The following IMMP2L variants were observed in gnomAD, a reference collection of about 807,000 sequenced individuals.
IMMP2L encodes the protein inner mitochondrial membrane peptidase subunit 2, also known as mitochondrial inner membrane protease subunit 2.
In IMMP2L, 18 loss-of-function variants were observed where a neutral mutation model predicts 19.3. That is an observed-to-expected ratio of 0.93 (90% CI 0.64 to 1.38). IMMP2L has a LOEUF of 1.38. Ranked by LOEUF, IMMP2L falls within the 40% of genes most tolerant of loss-of-function variation. The pLI, the probability that IMMP2L is intolerant of heterozygous loss-of-function variation, is 0.00. For synonymous variants in IMMP2L, 76 were observed against 73.0 expected, an observed-to-expected ratio of 1.04 and a Z score of -0.21; for missense variants, 233 against 218.2, an observed-to-expected ratio of 1.07 and a Z score of -0.43.
chr7:111,153,667 A>G (rs1804318258), intron 3 of IMMP2L, among the ~76,000 whole-genome samples: 1 of 152,080 alleles, frequency 6.6e-6, no homozygotes, highest in Non-Finnish European at 1.5e-5. Flanking sequence ...TAAACTCTTA[A>G]CAAACATATA....
chr7:111,489,512 CCAGGG>C (rs1316525531), intron 2 of IMMP2L, among the ~76,000 whole-genome samples: 1 of 152,120 alleles, frequency 6.6e-6, no homozygotes, highest in Non-Finnish European at 1.5e-5. Context: ...ACAACAACAA[CCAGGG>C]CAGAAGCAAG....
intron 3 of IMMP2L, among the ~76,000 whole-genome samples, chr7:111,132,183 T>C (rs1801912995): frequency 6.6e-6 from 1 of 152,052 alleles, no homozygotes; most frequent in Admixed American, 6.6e-5. Context: ...GGAAAACCTA[T>C]GCATATTCTT....
At chr7:111,263,066 A>T (rs1482233767) in intron 3 of IMMP2L, among the ~76,000 whole-genome samples, 4 of 152,130 alleles carry the variant, frequency 2.6e-5, no homozygotes, top group Non-Finnish European at 5.9e-5. Flanking sequence ...GTAGTCAGAT[A>T]ATATAGTCCC....
At chr7:110,850,130 A>G (rs1427159826) in intron 5 of IMMP2L, among the ~76,000 whole-genome samples, 1 of 152,076 alleles carries the variant, frequency 6.6e-6, no homozygotes, top group Admixed American at 6.6e-5. Flanking sequence ...GCATAATCAG[A>G]AAATAAATAA....
chr7:110,678,384 A>T (rs1418952722), intron 5 of IMMP2L, among the ~76,000 whole-genome samples: 1 of 152,162 alleles, frequency 6.6e-6, no homozygotes, highest in Non-Finnish European at 1.5e-5. Flanking sequence ...ACAGCTAAAA[A>T]GTCTGAATTG....
intron 3 of IMMP2L, among the ~76,000 whole-genome samples, chr7:111,132,689 T>C (rs1454118664): frequency 1.3e-5 from 2 of 152,022 alleles, no homozygotes; most frequent in Non-Finnish European, 2.9e-5. Context: ...TTATTTATTA[T>C]AGTTTAGATG....
chr7:111,116,590 C>T (rs1290530756), intron 3 of IMMP2L, among the ~76,000 whole-genome samples: 1 of 152,126 alleles, frequency 6.6e-6, no homozygotes, highest in African/African-American at 2.4e-5. Context: ...TAACAATCAA[C>T]TTGAAAACAA....
At chr7:111,108,519 T>C (rs540942007) in intron 3 of IMMP2L, among the ~76,000 whole-genome samples, 15 of 152,230 alleles carry the variant, frequency 9.9e-5, no homozygotes, top group Middle Eastern at 3.4e-3. Flanking sequence ...GTAAAAAAGA[T>C]ATACGAACAA....
chr7:111,038,829 GA>G (rs1238854411), intron 3 of IMMP2L, among the ~76,000 whole-genome samples: 1 of 152,142 alleles, frequency 6.6e-6, no homozygotes, highest in African/African-American at 2.4e-5. Flanking sequence ...GTAGAAAACA[GA>G]TTTTAAAATC....
chr7:110,876,372 A>C (rs1809066613), intron 5 of IMMP2L, among the ~76,000 whole-genome samples: 1 of 152,128 alleles, frequency 6.6e-6, no homozygotes, highest in South Asian at 2.1e-4. Context: ...TGGAACTTTG[A>C]CACTTTGATG....
intron 5 of IMMP2L, among the ~76,000 whole-genome samples, chr7:110,775,249 C>CTGTGTGTGTGTGTG (rs56387151): frequency 0.028 from 4,155 of 146,650 alleles, 69 homozygotes; most frequent in African/African-American, 0.043. Flanking sequence ...CTTAAGTCAG[C>CTGTGTGTGTGTGTG]TGTGTGTGTG....
At chr7:110,935,703 A>C (rs1816024776) in intron 4 of IMMP2L, among the ~76,000 whole-genome samples, 1 of 152,178 alleles carries the variant, frequency 6.6e-6, no homozygotes, top group Admixed American at 6.6e-5. Context: ...AAATGACTTT[A>C]AATTTCATAT....
intron 3 of IMMP2L, among the ~76,000 whole-genome samples, chr7:111,291,799 G>A (rs1210348226): frequency 6.6e-6 from 1 of 152,124 alleles, no homozygotes; most frequent in African/African-American, 2.4e-5. Flanking sequence ...GGAAGGATTT[G>A]TTAATTAACA....
intron 5 of IMMP2L, among the ~76,000 whole-genome samples, chr7:110,666,834 T>C (rs140161781): frequency 3.3e-5 from 5 of 152,312 alleles, no homozygotes; most frequent in African/African-American, 1.2e-4. Flanking sequence ...TTACCAACAA[T>C]AAATCTGCTG....
At chr7:110,944,107 A>G (rs1193237323) in intron 4 of IMMP2L, among the ~76,000 whole-genome samples, 1 of 151,992 alleles carries the variant, frequency 6.6e-6, no homozygotes, top group Non-Finnish European at 1.5e-5. Context: ...TAAATTTGAC[A>G]AATACTTAGT....
chr7:111,420,689 G>T (rs1393920529), intron 3 of IMMP2L, among the ~76,000 whole-genome samples: 1 of 151,332 alleles, frequency 6.6e-6, no homozygotes, highest in Non-Finnish European at 1.5e-5. Flanking sequence ...AATTTACTGA[G>T]AATGATGGTT....
chr7:111,055,071 A>G (rs1201664847), intron 3 of IMMP2L, among the ~76,000 whole-genome samples: 1 of 151,132 alleles, frequency 6.6e-6, no homozygotes, highest in Non-Finnish European at 1.5e-5. Context: ...TTTTCCCAGA[A>G]ACAGGGTGCC....
chr7:111,078,111 T>A (rs1795569774), intron 3 of IMMP2L, among the ~76,000 whole-genome samples: 1 of 152,270 alleles, frequency 6.6e-6, no homozygotes, highest in Non-Finnish European at 1.5e-5. Context: ...TATCGTTGCC[T>A]ATTTATCGTC....
intron 5 of IMMP2L, among the ~76,000 whole-genome samples, chr7:110,827,161 T>C (rs1803575584): frequency 6.6e-6 from 1 of 152,250 alleles, no homozygotes; most frequent in Admixed American, 6.5e-5. Flanking sequence ...CAGGGGTTTA[T>C]AGACTCCACT....
Sources: allele counts gnomAD v4.1 joint callset (sites outside exome capture counted in the v4.1 genomes callset), GRCh38; gene constraint gnomAD v4.1.1; transcripts MANE v1.5; gene names NCBI Gene and HGNC (gene_info 2026-07-23, HGNC 2026-07-21).